The following WNK2 variants were observed in gnomAD, a reference collection of about 807,000 sequenced individuals.
WNK2 encodes the protein WNK lysine deficient protein kinase 2, also known as serine/threonine-protein kinase WNK2.
Under a neutral mutation model 192.1 loss-of-function variants are expected in WNK2, and 67 were observed. The ratio of observed to expected loss-of-function variants is 0.35; its 90% CI spans 0.29 to 0.43. The LOEUF is 0.43. Ranked by LOEUF, WNK2 falls within the 20% of genes least tolerant of loss-of-function variation. WNK2 has a pLI of 1.00. For synonymous variants in WNK2, 1,439 were observed against 1,393.9 expected (o/e 1.03, Z -0.72); for missense variants, 2,698 against 3,089.7 (o/e 0.87, Z 3.01).
At chr9:93,223,218 G>A (rs1429463073) in intron 2 of WNK2, among the ~76,000 whole-genome samples, 1 of 152,242 alleles carries the variant, frequency 6.6e-6, no homozygotes, top group Non-Finnish European at 1.5e-5. Context: ...TGGCTCCACT[G>A]AGCCCACTGA....
In WNK2 at chr9:93,184,380, C is replaced by A. The variant is rs1325135779; in HGVS notation, c.-8C>A. On this transcript the variant is annotated 5_prime_UTR_variant, in exon 1 of 30. The change creates a premature stop within an existing upstream ORF in the 5' untranslated region. Transcript: ENST00000427277. The stretch of plus-strand genomic sequence containing the variant: ...GCCGCGGGCATGGACGGCGTCCGCT[C>A]GCCCTGTGAGTGCCGAGCCTCCCCT... 6.6e-6 allele frequency among the ~76,000 whole-genome samples: 1 copy of A among 151,344 alleles called. No homozygotes were observed. The highest frequency in any genetic ancestry group is 6.6e-5 in the Admixed American group (1 of 15,192).
chr9:93,273,506 A>G (rs925689798), intron 19 of WNK2, among the ~76,000 whole-genome samples: 1 of 152,252 alleles, frequency 6.6e-6, no homozygotes, highest in Non-Finnish European at 1.5e-5. Flanking sequence ...ACAGCCCTAA[A>G]TGTGTATACA....
intron 26 of WNK2, among the ~76,000 whole-genome samples, chr9:93,301,705 T>C (rs1467360834): frequency 2.0e-5 from 3 of 152,206 alleles, no homozygotes; most frequent in Non-Finnish European, 2.9e-5. Context: ...GGCTCCTGCA[T>C]GTGCGGCTCG....
Position 93,259,434 on chromosome 9 carries a change from G to A in WNK2, c.2886G>A (p.Leu962=). 2.1e-6 allele frequency: 3 copies of A among 1,448,380 alleles called. No individual in the cohort carries two copies. Among genetic ancestry groups the A allele is most frequent in the South Asian group, 1.2e-5 (1 of 80,122 alleles). The allele number at this position is 1,448,380 out of a possible 1,614,324, so 89.7% of individuals were successfully genotyped here. A position where few individuals can be genotyped will look rare whatever the true frequency, so the allele number is the denominator to read the frequency against. ...CCGTGCTGCCCCCGCAACCCACGCT[G>A]CCCCCTCAACCTGTGTTGCCCCCGC... ...PQPVLPPQPT[L]PPQPVLPPQP... is the part of the protein sequence containing the mutation. Residue 962 remains leucine (L), a synonymous_variant, in exon 12 of 30, where the codon CTG becomes CTA. Coordinates refer to ENST00000427277, the MANE Select transcript of WNK2 (RefSeq NM_006648.4). The surrounding 1 kb of genome is among the most constrained non-coding windows in gnomAD (Gnocchi z 4.8).
intron 19 of WNK2, among the ~76,000 whole-genome samples, chr9:93,278,751 A>G (rs906009490): frequency 2.0e-5 from 3 of 152,234 alleles, no homozygotes; most frequent in Non-Finnish European, 4.4e-5. Context: ...AAACCAAACC[A>G]TAACTGATAC....
chr9:93,277,018 G>A (rs1029018071), intron 19 of WNK2, among the ~76,000 whole-genome samples: 1 of 151,034 alleles, frequency 6.6e-6, no homozygotes, highest in Non-Finnish European at 1.5e-5. Context: ...CTGGGCGAAC[G>A]AGCTAGACTC....
At chr9:93,196,205 C>T (rs1411098130) in intron 2 of WNK2, among the ~76,000 whole-genome samples, 1 of 152,030 alleles carries the variant, frequency 6.6e-6, no homozygotes, top group Non-Finnish European at 1.5e-5. Context: ...AGTGGAGGGT[C>T]ACGGGCTCCC....
chr9:93,203,523 C>G (rs965979222), intron 2 of WNK2, among the ~76,000 whole-genome samples: 1 of 152,110 alleles, frequency 6.6e-6, no homozygotes, highest in Non-Finnish European at 1.5e-5. Flanking sequence ...GGGTCCAGGC[C>G]GGGGGCACAG....
chr9:93,318,526 C>G, intron 29 of WNK2: 2 of 1,614,118 alleles, frequency 1.2e-6, no homozygotes, highest in Non-Finnish European at 1.7e-6. Context: ...GGTGAGCAGA[C>G]ATGCCCCCCA....
At chr9:93,304,156 T>C (rs1243026087) in intron 26 of WNK2, among the ~76,000 whole-genome samples, 2 of 152,170 alleles carry the variant, frequency 1.3e-5, no homozygotes, top group Non-Finnish European at 2.9e-5. Flanking sequence ...TCCTTCTTGG[T>C]TGAGATGTCT....
intron 5 of WNK2, among the ~76,000 whole-genome samples, chr9:93,236,902 T>C (rs1452511243): frequency 6.6e-6 from 1 of 152,244 alleles, no homozygotes; most frequent in Non-Finnish European, 1.5e-5. Flanking sequence ...ACAGGGGCCC[T>C]CGTGGCCCTA....
In WNK2 at chr9:93,285,733, A is replaced by T. The variant is rs546306006; in HGVS notation, c.4034-3055A>T. 2.0e-5 allele frequency among the ~76,000 whole-genome samples: 3 copies of T among 152,354 alleles called. No homozygotes were observed. The East Asian group carries it at 5.8e-4, about 29-fold the overall frequency. On this transcript the variant is annotated intron_variant, in intron 19 of 29. Coordinates refer to ENST00000427277, the MANE Select transcript of WNK2 (RefSeq NM_006648.4). ...TCTTTACAGAAATGCAAAAACCAGTAAAAACCAAGACAGCTTCTAGGGGAA... is the reference window on the plus strand; with the variant it reads ...TCTTTACAGAAATGCAAAAACCAGTTAAAACCAAGACAGCTTCTAGGGGAA...
intron 2 of WNK2, among the ~76,000 whole-genome samples, chr9:93,227,079 C>T (rs1837943318): frequency 6.6e-6 from 1 of 151,470 alleles, no homozygotes; most frequent in African/African-American, 2.4e-5. Flanking sequence ...AGGTGGGGCC[C>T]ACTGTTCCCC....
At position 93,305,082 on chromosome 9, in the gene WNK2, CG is replaced by C. The variant is rs1564218862; in HGVS notation, c.6215-1693del. ...CCTCTGGTGGTTCCCAGCCGGCAGC[CG>C]GCCTGTTTGATGGTGTTCTTCCCAG... On this transcript the variant is annotated intron_variant, in intron 26 of 29. Coordinates refer to ENST00000427277, the MANE Select transcript of WNK2 (RefSeq NM_006648.4). Among the ~76,000 whole-genome samples, 12 of 152,312 alleles carry C rather than the reference CG, an allele frequency of 7.9e-5. No individual in the cohort carries two copies. The South Asian group carries it at 2.5e-3, about 32-fold the overall frequency.
At chr9:93,300,236 C>T in intron 26 of WNK2, 87 bp downstream of exon 26, 1 of 1,053,606 alleles carries the variant, frequency 9.5e-7, no homozygotes, top group East Asian at 2.6e-5. Flanking sequence ...ACCTTTCATA[C>T]ATTTCATAGG....
At position 93,302,498 on chromosome 9, in the gene WNK2, G is replaced by A. The variant is rs1194364781; in HGVS notation, c.6214+2349G>A. Among the ~76,000 whole-genome samples, 4 of 152,322 alleles carry A rather than the reference G, an allele frequency of 2.6e-5. No individual in the cohort carries two copies. The South Asian group carries it at 8.3e-4, about 32-fold the overall frequency. On this transcript the variant is annotated intron_variant, in intron 26 of 29. Coordinates refer to ENST00000427277, the MANE Select transcript of WNK2 (RefSeq NM_006648.4). ...AGAGCTTTCAGCTCACTGCCCTGGT[G>A]TGGGGCACTCCCACTTCCTGGAAGA...
chr9:93,273,076 GT>G (rs1846248319), intron 19 of WNK2, among the ~76,000 whole-genome samples: 2 of 152,164 alleles, frequency 1.3e-5, no homozygotes, highest in South Asian at 4.1e-4. Flanking sequence ...AGAATGCTGG[GT>G]TGCCTGTTTT....
At chr9:93,231,742 C>A (rs746525363) in intron 4 of WNK2, among the ~76,000 whole-genome samples, 1 of 152,222 alleles carries the variant, frequency 6.6e-6, no homozygotes, top group Non-Finnish European at 1.5e-5. Context: ...AGTACAGACG[C>A]CCTCCTGTGA....
intron 10 of WNK2, 42 bp downstream of exon 10, chr9:93,256,496 G>A (rs779212175): frequency 4.7e-4 from 693 of 1,482,370 alleles, no homozygotes; most frequent in Non-Finnish European, 5.2e-4. Flanking sequence ...CTCCAGGCAG[G>A]CAGTCACCTG....
Sources: gnomAD v4.1 joint callset for allele counts (sites outside exome capture counted in the v4.1 genomes callset) on GRCh38, gnomAD v4.1.1 for gene constraint, Gnocchi (gnomAD v3.1) non-coding constraint, MANE v1.5 for transcripts, NCBI Gene and HGNC (gene_info 2026-07-23, HGNC 2026-07-21) for gene names.